Variants in IQSEC3 observed in about 807,000 individuals in gnomAD.
IQSEC3 encodes IQ motif and SEC7 domain-containing protein 3.
In IQSEC3, 50 loss-of-function variants were observed where a neutral mutation model predicts 105.4. That is an observed-to-expected ratio of 0.47 (90% confidence interval 0.38 to 0.60). The LOEUF (loss-of-function observed/expected upper bound fraction) is 0.60. Among genes scored for constraint, IQSEC3 ranks in the 20% least tolerant of loss-of-function variants. The probability of loss-of-function intolerance (pLI) is 0.00; values close to 1 mark genes in which losing one functional copy is unlikely to be tolerated. For missense variants in IQSEC3, 1,415 were observed against 1,630.0 expected, an observed-to-expected ratio of 0.87 and a Z score of 2.27; for synonymous variants, 708 against 746.0, an observed-to-expected ratio of 0.95 and a Z score of 0.83.
chr12:125,889 T>G lies in IQSEC3; in HGVS notation c.880T>G (p.Ser294Ala). The change falls in exon 3 of 14, where the codon TCC (serine) becomes GCC (alanine). Residue 294 changes from serine (S) to alanine (A), a missense_variant. Coordinates refer to ENST00000538872, the MANE Select transcript of IQSEC3 (RefSeq NM_001170738.2). ...HAPAASDYEL[S>A]LDLKNKQIEM... The stretch of plus-strand genomic sequence containing the variant: ...CCCTGCCGCCTCCGATTACGAACTC[T>G]CCCTTGACCTAAAGAATAAACAGGT... The G allele has an allele frequency of 6.5e-7, 1 of 1,533,416 alleles. No individual in the cohort carries two copies. Among genetic ancestry groups the G allele is most frequent in the Non-Finnish European group, 8.7e-7 (1 of 1,146,390 alleles). The allele number at this position is 1,533,416 out of a possible 1,614,324, so 95.0% of individuals were successfully genotyped here. A position where few individuals can be genotyped will look rare whatever the true frequency, so the allele number is the denominator to read the frequency against.
intron 12 of IQSEC3, 126 bp from the exon 13 acceptor site, chr12:170,986 C>G (rs1194331758): frequency 3.4e-6 from 4 of 1,173,970 alleles, no homozygotes; most frequent in East Asian, 2.4e-5. Flanking sequence ...GGCTCCCAAC[C>G]TCCGCCTCAG....
intron 5 of IQSEC3, among the ~76,000 whole-genome samples, chr12:147,001 GA>G: frequency 6.6e-6 from 1 of 152,184 alleles, no homozygotes; most frequent in Non-Finnish European, 1.5e-5. Flanking sequence ...TCTGTAGCTG[GA>G]GACCTTGGGA....
intron 4 of IQSEC3, 190 bp from the exon 5 acceptor site, chr12:140,933 TC>T: frequency 1.8e-6 from 1 of 553,102 alleles, no homozygotes; most frequent in Non-Finnish European, 3.2e-6. Flanking sequence ...ATCTCCCCTG[TC>T]CTCCTTCTGG....
At chr12:136,774 A>G (rs1565423378) in intron 3 of IQSEC3, among the ~76,000 whole-genome samples, 2 of 150,472 alleles carry the variant, frequency 1.3e-5, no homozygotes, top group African/African-American at 4.9e-5. Flanking sequence ...AGGGCTGATC[A>G]GAGTCTAGGA....
intron 1 of IQSEC3, among the ~76,000 whole-genome samples, chr12:69,760 C>G (rs1188309654): frequency 6.6e-6 from 1 of 152,270 alleles, no homozygotes; most frequent in African/African-American, 2.4e-5. Flanking sequence ...AACTTCAACA[C>G]CAATTTCCCC....
intron 2 of IQSEC3, among the ~76,000 whole-genome samples, chr12:113,508 C>T (rs552979506): frequency 6.6e-6 from 1 of 152,210 alleles, no homozygotes; most frequent in Non-Finnish European, 1.5e-5. Context: ...TGCTCACTCC[C>T]CAGGTGCCAC....
intron 7 of IQSEC3, among the ~76,000 whole-genome samples, chr12:157,942 G>A (rs1565443162): frequency 6.6e-6 from 1 of 152,268 alleles, no homozygotes; most frequent in African/African-American, 2.4e-5. Context: ...TGCCCTCCGT[G>A]GAACATGGTT....
chr12:116,374 G>A (rs897420835), intron 2 of IQSEC3, among the ~76,000 whole-genome samples: 4 of 152,156 alleles, frequency 2.6e-5, no homozygotes, highest in Non-Finnish European at 4.4e-5. Flanking sequence ...AAAGGCACTC[G>A]CCCCGGAGAC....
chr12:138,999 G>C lies in IQSEC3; in HGVS notation c.1636G>C (p.Glu546Gln). 6.5e-7 allele frequency: 1 copy of C among 1,529,346 alleles called. No individual in the cohort carries two copies. Among genetic ancestry groups the C allele is most frequent in the Non-Finnish European group, 8.8e-7 (1 of 1,138,368 alleles). The allele number at this position is 1,529,346 out of a possible 1,614,324, so 94.7% of individuals were successfully genotyped here. Residue 546 changes from glutamate to glutamine, a missense_variant, in exon 4 of 14, where the codon GAG becomes CAG. Glu to Gln is a conservative substitution (Grantham distance 29, BLOSUM62 2). This residue lies in a region of IQSEC3 where 720 missense variants were observed against 633.0 expected (regional missense o/e 1.14). Coordinates refer to ENST00000538872, the MANE Select transcript of IQSEC3 (RefSeq NM_001170738.2). The surrounding 1 kb of genome is among the most constrained non-coding windows in gnomAD (Gnocchi z 7.1). Reference sequence around the variant, plus strand: ...CCCGGAAGCCCCCGCCGTGGGCCGGGAGGACGCGTCAGCCGAGGACTCATG... The same window carrying C: ...CCCGGAAGCCCCCGCCGTGGGCCGGCAGGACGCGTCAGCCGAGGACTCATG... ...EAPEAPAVGR[E>Q]DASAEDSCAE... is the part of the protein sequence containing the mutation.
At chr12:120,572 C>T (rs1314164491) in intron 2 of IQSEC3, among the ~76,000 whole-genome samples, 1 of 152,196 alleles carries the variant, frequency 6.6e-6, no homozygotes, top group Non-Finnish European at 1.5e-5. Flanking sequence ...CAGGCATGCT[C>T]AGCAGGTGCC....
intron 13 of IQSEC3, chr12:171,422 A>G (rs1404207485): frequency 8.7e-7 from 1 of 1,146,804 alleles, no homozygotes; most frequent in East Asian, 2.4e-5. Flanking sequence ...AGACTAACAC[A>G]GTGGAGACGG....
At chr12:161,062 C>T (rs1003642594) in intron 7 of IQSEC3, among the ~76,000 whole-genome samples, 10 of 152,120 alleles carry the variant, frequency 6.6e-5, no homozygotes, top group African/African-American at 2.2e-4. Flanking sequence ...TGCCTGACTT[C>T]GAGAACCAAG....
chr12:93,084 C>T (rs1231823506), intron 1 of IQSEC3, among the ~76,000 whole-genome samples: 3 of 152,128 alleles, frequency 2.0e-5, no homozygotes, highest in Non-Finnish European at 2.9e-5. Context: ...TCCTAAAAGC[C>T]CTGCAAGGTG....
intron 3 of IQSEC3, among the ~76,000 whole-genome samples, chr12:129,382 A>G (rs1262471744): frequency 6.6e-6 from 1 of 152,200 alleles, no homozygotes; most frequent in Admixed American, 6.5e-5. Context: ...ATGAAGGCAC[A>G]AGTGAATGAG....
chr12:150,541 C>T (rs1048983038), intron 5 of IQSEC3, among the ~76,000 whole-genome samples: 2 of 152,116 alleles, frequency 1.3e-5, no homozygotes, highest in African/African-American at 4.8e-5. Flanking sequence ...AGGAAAGAGT[C>T]CACCTGGGGA....
chr12:75,580 C>G (rs1221155903), intron 1 of IQSEC3, among the ~76,000 whole-genome samples: 8 of 152,174 alleles, frequency 5.3e-5, no homozygotes, highest in Non-Finnish European at 2.9e-5. Context: ...TCACATGACT[C>G]TGTTGGGGTT....
Position 139,188 on chromosome 12 carries a change from T to C in IQSEC3, c.1825T>C (p.Ser609Pro), listed in dbSNP as rs1555088240. ...SSSTSTKSAKSGSEASASASK... is the reference protein window; with the variant it reads ...SSSTSTKSAKPGSEASASASK... ...CAGCACGTCCACCAAGTCCGCCAAG[T>C]CAGGCTCGGAGGCGTCGGCCTCCGC... is the stretch of plus-strand genomic sequence containing the variant. Residue 609 changes from serine (S) to proline (P), a missense_variant, in exon 4 of 14, where the codon TCA becomes CCA. By Grantham distance (74) the Ser-to-Pro change is moderately conservative. Transcript: ENST00000538872. The C allele has an allele frequency of 1.3e-6, 2 of 1,589,672 alleles. No homozygotes were observed. The highest frequency in any genetic ancestry group is 1.7e-6 in the Non-Finnish European group (2 of 1,170,254).
At chr12:98,602 C>G (rs1864314646) in intron 1 of IQSEC3, among the ~76,000 whole-genome samples, 1 of 152,168 alleles carries the variant, frequency 6.6e-6, no homozygotes, top group South Asian at 2.1e-4. Flanking sequence ...TTGGCTTTTT[C>G]ATCGACACCA....
intron 1 of IQSEC3, among the ~76,000 whole-genome samples, chr12:73,419 T>G (rs1863403460): frequency 6.6e-6 from 1 of 152,270 alleles, no homozygotes; most frequent in African/African-American, 2.4e-5. Flanking sequence ...TACATTGCAG[T>G]ATTTCTACAG....
Sources: allele counts gnomAD v4.1 joint callset (sites outside exome capture counted in the v4.1 genomes callset), GRCh38; gene constraint gnomAD v4.1.1; regional missense constraint gnomAD v4.1.1; non-coding constraint Gnocchi (gnomAD v3.1); transcripts MANE v1.5; gene names NCBI Gene and HGNC (gene_info 2026-07-23, HGNC 2026-07-21).